The following VWA8 variants were observed in gnomAD, a reference collection of about 807,000 sequenced individuals.
VWA8 encodes the protein von Willebrand factor A domain containing 8.
Under a neutral mutation model 241.5 loss-of-function variants are expected in VWA8, and 221 were observed. The observed-to-expected ratio is 0.91, with a 90% CI of 0.82 to 1.02. The LOEUF is 1.02. Among genes scored for constraint, VWA8 ranks in the 50% least tolerant of loss-of-function variants. The pLI is 0.00. For missense variants in VWA8, 2,322 were observed against 2,328.7 expected, an observed-to-expected ratio of 1.00 and a Z score of 0.06; for synonymous variants, 852 against 827.1, an observed-to-expected ratio of 1.03 and a Z score of -0.52.
intron 12 of VWA8, among the ~76,000 whole-genome samples, chr13:41,835,051 G>A (rs868276039): frequency 1.8e-4 from 27 of 152,280 alleles, no homozygotes; most frequent in Admixed American, 3.9e-4. Context: ...TGCACACATG[G>A]TGGGGAACAA....
At chr13:41,913,220 T>TA (rs1876094174) in intron 2 of VWA8, among the ~76,000 whole-genome samples, 1 of 152,162 alleles carries the variant, frequency 6.6e-6, no homozygotes, top group Non-Finnish European at 1.5e-5. Context: ...ATATATGTGA[T>TA]AAAACAGTAC....
chr13:41,940,550 A>G (rs1271203597), intron 2 of VWA8, among the ~76,000 whole-genome samples: 1 of 152,198 alleles, frequency 6.6e-6, no homozygotes, highest in Admixed American at 6.5e-5. Context: ...ACAGTCCCTG[A>G]GAGAGGAAGA....
intron 36 of VWA8, among the ~76,000 whole-genome samples, chr13:41,673,866 CAT>C (rs1188675580): frequency 3.9e-5 from 6 of 151,976 alleles, no homozygotes; most frequent in Admixed American, 3.9e-4. Context: ...GCAGGTATAA[CAT>C]GTGATTCATA....
chr13:41,589,307 T>C (rs572634318), intron 41 of VWA8, among the ~76,000 whole-genome samples: 3 of 152,384 alleles, frequency 2.0e-5, no homozygotes, highest in African/African-American at 7.2e-5. Flanking sequence ...TCTTATTTTC[T>C]ATATTTTTTT....
intron 39 of VWA8, among the ~76,000 whole-genome samples, 192 bp downstream of exon 39, chr13:41,611,384 T>A (rs1428461899): frequency 6.6e-6 from 1 of 152,098 alleles, no homozygotes; most frequent in Non-Finnish European, 1.5e-5. Context: ...GGAGCCTGAG[T>A]AGAAAGAACA....
intron 12 of VWA8, among the ~76,000 whole-genome samples, chr13:41,865,035 T>A (rs1340866649): frequency 6.7e-6 from 1 of 150,352 alleles, no homozygotes; most frequent in East Asian, 1.9e-4. Flanking sequence ...CTTTATGTTA[T>A]ATATATTTTG....
chr13:41,651,301 G>A (rs766811396), intron 37 of VWA8, among the ~76,000 whole-genome samples: 4 of 152,162 alleles, frequency 2.6e-5, no homozygotes, highest in Non-Finnish European at 5.9e-5. Context: ...GAATAGCATT[G>A]TATCTGTAAA....
At chr13:41,771,991 A>G (rs1165764776) in intron 20 of VWA8, among the ~76,000 whole-genome samples, 1 of 149,454 alleles carries the variant, frequency 6.7e-6, no homozygotes, top group East Asian at 2.0e-4. Context: ...CCTGGGCTCA[A>G]GCGATTCTCC....
intron 2 of VWA8, among the ~76,000 whole-genome samples, chr13:41,941,204 C>G (rs2138152274): frequency 6.6e-6 from 1 of 152,270 alleles, no homozygotes; most frequent in Non-Finnish European, 1.5e-5. Context: ...TGTATTATTG[C>G]TACGATCTAT....
intron 12 of VWA8, among the ~76,000 whole-genome samples, chr13:41,841,944 T>A (rs977227513): frequency 6.8e-6 from 1 of 147,514 alleles, no homozygotes; most frequent in Non-Finnish European, 1.5e-5. Context: ...CTAGCTGAAT[T>A]TCTGTAGGCT....
At chr13:41,711,942 C>CAT (rs1555324200) in intron 26 of VWA8, among the ~76,000 whole-genome samples, 1 of 146,202 alleles carries the variant, frequency 6.8e-6, no homozygotes, top group East Asian at 2.0e-4. Context: ...AATGCAAACA[C>CAT]TTTTTTTTTT....
At chr13:41,839,631 A>C (rs1015272592) in intron 12 of VWA8, among the ~76,000 whole-genome samples, 2 of 151,966 alleles carry the variant, frequency 1.3e-5, no homozygotes, top group Admixed American at 1.3e-4. Context: ...TTTTCCTAGC[A>C]CCATTTATTA....
At position 41,886,708 on chromosome 13, in the gene VWA8, T is replaced by C. The variant is rs970074830; in HGVS notation, c.866+73A>G. 17 of 1,224,692 alleles carry C rather than the reference T, an allele frequency of 1.4e-5. No individual in the cohort carries two copies. The Admixed American group carries it at 1.4e-4, about 10-fold the overall frequency. The allele number at this position is 1,224,692 out of a possible 1,614,324, so 75.9% of individuals were successfully genotyped here. A position where few individuals can be genotyped will look rare whatever the true frequency, so the allele number is the denominator to read the frequency against. The stretch of plus-strand genomic sequence containing the variant: ...CTAGTTGTTGAATGACTGAATTAAT[T>C]AATCAATCAATCAATGAACAGGCAA... On this transcript the variant is annotated intron_variant, in intron 7 of 44. Coordinates refer to ENST00000379310, the MANE Select transcript of VWA8 (RefSeq NM_015058.2).
chr13:41,857,288 T>C (rs1197447092), intron 12 of VWA8, among the ~76,000 whole-genome samples: 2 of 152,222 alleles, frequency 1.3e-5, no homozygotes, highest in African/African-American at 4.8e-5. Flanking sequence ...AGCGTTAATA[T>C]ACATATGCAT....
At chr13:41,653,204 TA>T (rs2044880233) in intron 37 of VWA8, among the ~76,000 whole-genome samples, 1 of 152,186 alleles carries the variant, frequency 6.6e-6, no homozygotes, top group African/African-American at 2.4e-5. Flanking sequence ...TTGTTCACAA[TA>T]AAACTGCCTG....
In VWA8 at chr13:41,732,168, C is replaced by T. The variant is rs768771792; in HGVS notation, c.2427-13G>A. 2.5e-6 allele frequency: 4 copies of T among 1,601,894 alleles called. No individual in the cohort carries two copies. In the Admixed American group the frequency reaches 6.7e-5, roughly 27 times the overall value. On this transcript the variant is annotated splice_polypyrimidine_tract_variant and intron_variant, in intron 21 of 44. Transcript: ENST00000379310. ...TACTGTGGTATCCCTAAAGTAAAACCAACACATTTTATAGTTAGGAAGGAA... is the reference window on the plus strand; with the variant it reads ...TACTGTGGTATCCCTAAAGTAAAACTAACACATTTTATAGTTAGGAAGGAA...
intron 19 of VWA8, among the ~76,000 whole-genome samples, chr13:41,781,060 A>C (rs1054677401): frequency 6.6e-6 from 1 of 152,128 alleles, no homozygotes; most frequent in African/African-American, 2.4e-5. Flanking sequence ...TAACCACCTA[A>C]CTAGTTTCTC....
chr13:41,935,556 T>C (rs937679087), intron 2 of VWA8, among the ~76,000 whole-genome samples: 3 of 151,888 alleles, frequency 2.0e-5, no homozygotes, highest in Admixed American at 6.6e-5. Flanking sequence ...ATTTTAAAAA[T>C]TACAAATGTA....
chr13:41,803,860 G>A (rs1870068966), intron 17 of VWA8, among the ~76,000 whole-genome samples: 2 of 152,138 alleles, frequency 1.3e-5, no homozygotes, highest in South Asian at 4.1e-4. Context: ...TAAAAATCAA[G>A]TAAAAATTCT....
Sources: allele counts gnomAD v4.1 joint callset (sites outside exome capture counted in the v4.1 genomes callset), GRCh38; gene constraint gnomAD v4.1.1; transcripts MANE v1.5; gene names NCBI Gene and HGNC (gene_info 2026-07-23, HGNC 2026-07-21).